AVL9: variants seen among roughly 807,000 people sequenced by gnomAD.
AVL9 encodes late secretory pathway protein AVL9 homolog.
Under a neutral mutation model 79.2 loss-of-function variants are expected in AVL9, and 49 were observed. The ratio of observed to expected loss-of-function variants is 0.62; its 90% CI spans 0.49 to 0.79. The LOEUF (loss-of-function observed/expected upper bound fraction) is 0.79. AVL9 is among the 30% of genes least tolerant of loss of function. The pLI is 0.00. For synonymous variants in AVL9, 299 were observed against 280.6 expected, an observed-to-expected ratio of 1.07 and a Z score of -0.65; for missense variants, 682 against 776.8, an observed-to-expected ratio of 0.88 and a Z score of 1.45.
chr7:32,563,695 T>C (rs1472625164), intron 10 of AVL9, among the ~76,000 whole-genome samples: 1 of 151,958 alleles, frequency 6.6e-6, no homozygotes, highest in African/African-American at 2.4e-5. Flanking sequence ...AAAAGAAAGA[T>C]GGGTAGTGTT....
In AVL9 at chr7:32,584,311, T is replaced by C. The variant is rs561621243; in HGVS notation, c.*404T>C. 4.5e-5 allele frequency: 8 copies of C among 178,788 alleles called. No homozygotes were observed. The South Asian group carries it at 8.9e-4, about 20-fold the overall frequency. 11.1% of individuals were successfully genotyped at this position (178,788 alleles called of 1,614,324 possible). On this transcript the variant is annotated 3_prime_UTR_variant, in exon 16 of 16. Coordinates refer to ENST00000318709, the MANE Select transcript of AVL9 (RefSeq NM_015060.3). ...CTAAAATTAATTTATATTACCATTTTCTCTAAAGTTGGCCTTAAAACGTGC... is the reference window on the plus strand; with the variant it reads ...CTAAAATTAATTTATATTACCATTTCCTCTAAAGTTGGCCTTAAAACGTGC...
chr7:32,579,253 C>A (rs1791239895), intron 13 of AVL9, among the ~76,000 whole-genome samples: 1 of 119,096 alleles, frequency 8.4e-6, no homozygotes, highest in African/African-American at 3.2e-5. Flanking sequence ...TTCCTACTGC[C>A]TGTATAATTG....
rs188940209 is a variant in AVL9, at chr7:32,507,435, C to G, written c.93+11633C>G. Among the ~76,000 whole-genome samples the G allele has an allele frequency of 2.8e-4, 42 of 152,314 alleles. 1 individual carries two copies. In the East Asian group the frequency reaches 7.9e-3, roughly 29 times the overall value. ...TACTTTTCTTTTTCCTCAACGCTAA[C>G]CACCCTCTCCACTTGTAACACCATA... On this transcript the variant is annotated intron_variant, in intron 1 of 15. Transcript: ENST00000318709.
intron 10 of AVL9, among the ~76,000 whole-genome samples, chr7:32,569,085 CCCTG>C (rs1790710297): frequency 6.6e-6 from 1 of 152,122 alleles, no homozygotes; most frequent in Non-Finnish European, 1.5e-5. Context: ...AGCGGATATC[CCCTG>C]CCTTCAGAGA....
At chr7:32,507,436 C>T (rs1024985646) in intron 1 of AVL9, among the ~76,000 whole-genome samples, 3 of 152,200 alleles carry the variant, frequency 2.0e-5, no homozygotes, top group Non-Finnish European at 2.9e-5. Flanking sequence ...CAACGCTAAC[C>T]ACCCTCTCCA....
In AVL9 at chr7:32,558,773, T is replaced by G. The variant is rs1203876754; in HGVS notation, c.679+145T>G. ...TCTTCCTTTTGGAAATAGGTTTCTC[T>G]CTTTTGTCTGGGCTTCTTTCTGTTC... On this transcript the variant is annotated intron_variant, in intron 9 of 15. Coordinates refer to ENST00000318709, the MANE Select transcript of AVL9 (RefSeq NM_015060.3). The G allele has an allele frequency of 4.0e-6, 4 of 1,003,230 alleles. No individual in the cohort carries two copies. In the African/African-American group the frequency reaches 6.7e-5, roughly 17 times the overall value. The allele number at this position is 1,003,230 out of a possible 1,614,324, so 62.1% of individuals were successfully genotyped here. A position where few individuals can be genotyped will look rare whatever the true frequency, so the allele number is the denominator to read the frequency against.
At chr7:32,529,496 C>T (rs79468002) in intron 1 of AVL9, among the ~76,000 whole-genome samples, 2,427 of 152,322 alleles carry the variant, frequency 0.016, 45 homozygotes, top group South Asian at 0.024. Context: ...CAGTCCAAAA[C>T]AGTTATTTCC....
intron 11 of AVL9, among the ~76,000 whole-genome samples, chr7:32,571,056 C>T (rs1018009036): frequency 2.0e-5 from 3 of 148,770 alleles, no homozygotes; most frequent in African/African-American, 4.9e-5. Context: ...ATGGTGAAAC[C>T]CCATGTCTAC....
chr7:32,563,321 T>G (rs573401015), intron 10 of AVL9, among the ~76,000 whole-genome samples: 18 of 152,248 alleles, frequency 1.2e-4, no homozygotes, highest in African/African-American at 4.3e-4. Context: ...CATGAGCCAC[T>G]GTGCCCAGCC....
rs200296703 is a variant in AVL9 at position 32,573,394 on chromosome 7, C to T, written c.1546C>T (p.Leu516=). Residue 516 remains leucine (L), a synonymous_variant, in exon 12 of 16, where the codon CTG becomes TTG. Coordinates refer to ENST00000318709, the MANE Select transcript of AVL9 (RefSeq NM_015060.3). ...RAQFAVYIHA[L]LAATLQLDNE... Reference sequence around the variant, plus strand: ...CCAGTTTGCGGTCTACATTCATGCCCTGCTGGCTGCCACACTGCAATTAGG... The same window carrying T: ...CCAGTTTGCGGTCTACATTCATGCCTTGCTGGCTGCCACACTGCAATTAGG... 55 of 1,613,668 alleles carry T rather than the reference C, an allele frequency of 3.4e-5. No individual in the cohort carries two copies. In the Admixed American group the frequency reaches 3.7e-4, roughly 11 times the overall value.
intron 6 of AVL9, among the ~76,000 whole-genome samples, chr7:32,552,655 G>GC (rs1789884138): frequency 6.6e-6 from 1 of 151,844 alleles, no homozygotes; most frequent in African/African-American, 2.4e-5. Context: ...CAATTCTCCT[G>GC]CCACAGCCTC....
In AVL9 at chr7:32,559,009, A is replaced by G. The variant is rs148483760; in HGVS notation, c.760A>G (p.Ser254Gly). 1.2e-6 allele frequency: 2 copies of G among 1,613,876 alleles called. No individual in the cohort carries two copies. The highest frequency in any genetic ancestry group is 1.3e-5 in the African/African-American group (1 of 74,922). ...GTCTGAAGATGGTGGGCTTCAGGAA[A>G]GTAACCCATGTGCAGATGATTTTGT... ...SMSEDGGLQE[S>G]NPCADDFVSA... The change falls in exon 10 of 16, where the codon AGT becomes GGT. Residue 254 changes from serine to glycine, a missense_variant. Transcript: ENST00000318709.
At chr7:32,571,437 A>G (rs1219821554) in intron 11 of AVL9, among the ~76,000 whole-genome samples, 1 of 151,868 alleles carries the variant, frequency 6.6e-6, no homozygotes, top group Non-Finnish European at 1.5e-5. Context: ...CTGAGGCAGG[A>G]GAATCGCTTG....
At chr7:32,576,210 A>G in intron 13 of AVL9, 138 bp downstream of exon 13, 1 of 633,330 alleles carries the variant, frequency 1.6e-6, no homozygotes, top group East Asian at 2.8e-5. Flanking sequence ...AAGGCTCCCA[A>G]ATATAGAGAA....
chr7:32,543,998 G>T (rs1789345782), intron 2 of AVL9, among the ~76,000 whole-genome samples: 1 of 151,460 alleles, frequency 6.6e-6, no homozygotes, highest in South Asian at 2.1e-4. Context: ...AGCTCAAGCA[G>T]TTCTCCTACC....
chr7:32,515,772 C>G (rs1401152215), intron 1 of AVL9, among the ~76,000 whole-genome samples: 1 of 152,106 alleles, frequency 6.6e-6, no homozygotes, highest in Admixed American at 6.6e-5. Context: ...TTGTTCTGGT[C>G]TTTCTCCCAT....
In AVL9 at chr7:32,570,019, G is replaced by C; in HGVS notation, c.1216-1G>C. 6.2e-7 allele frequency: 1 copy of C among 1,614,060 alleles called. No homozygotes were observed. Among genetic ancestry groups the C allele is most frequent in the South Asian group, 1.1e-5 (1 of 91,074 alleles). The stretch of plus-strand genomic sequence containing the variant: ...TTTTCTATTACTCTTCTAATTCATA[G>C]GGATATCTGTGTTTGCCTTACATGG... On this transcript the variant is annotated splice_acceptor_variant, in intron 10 of 15. Transcript: ENST00000318709. LOFTEE classifies it high-confidence loss of function.
At chr7:32,524,730 A>G (rs1788326889) in intron 1 of AVL9, among the ~76,000 whole-genome samples, 1 of 152,178 alleles carries the variant, frequency 6.6e-6, no homozygotes, top group Non-Finnish European at 1.5e-5. Flanking sequence ...CTGCAGTGCT[A>G]GTTGGGACAA....
Position 32,580,897 on chromosome 7 carries a change from C to T in AVL9, c.1831+7C>T. The T allele has an allele frequency of 6.2e-7, 1 of 1,610,536 alleles. No homozygotes were observed. Among genetic ancestry groups the T allele is most frequent in the Non-Finnish European group, 8.5e-7 (1 of 1,177,340 alleles). On this transcript the variant is annotated splice_region_variant and intron_variant, in intron 15 of 15. Coordinates refer to ENST00000318709, the MANE Select transcript of AVL9 (RefSeq NM_015060.3). ...CAAACAGGAAAAGCTGTTGGTAAGACATGCCTTTAGCCAGGAACAAATTGG... is the reference window on the plus strand; with the variant it reads ...CAAACAGGAAAAGCTGTTGGTAAGATATGCCTTTAGCCAGGAACAAATTGG...
Sources: allele counts gnomAD v4.1 joint callset (sites outside exome capture counted in the v4.1 genomes callset), GRCh38; gene constraint gnomAD v4.1.1; transcripts MANE v1.5; gene names NCBI Gene and HGNC (gene_info 2026-07-23, HGNC 2026-07-21).